The following ERN1 variants were observed in gnomAD, a reference collection of about 807,000 sequenced individuals.
ERN1 encodes the protein endoplasmic reticulum to nucleus signaling 1, also known as serine/threonine-protein kinase/endoribonuclease IRE1.
Under a neutral mutation model 113.1 loss-of-function variants are expected in ERN1, and 39 were observed. The observed-to-expected ratio is 0.34, with a 90% CI of 0.27 to 0.45. ERN1 has a LOEUF of 0.45. Ranked by LOEUF, ERN1 falls within the 20% of genes least tolerant of loss-of-function variation. ERN1 has a pLI of 1.00. For missense variants in ERN1, 976 were observed against 1,274.8 expected (o/e 0.77, Z 3.57); for synonymous variants, 507 against 515.9 (o/e 0.98, Z 0.23).
chr17:64,047,716 G>T (rs1215665592), intron 19 of ERN1, 142 bp downstream of exon 19: 1 of 665,234 alleles, frequency 1.5e-6, no homozygotes, highest in Non-Finnish European at 2.3e-6. Flanking sequence ...TATATATGAA[G>T]AAAACATTAA....
At chr17:64,125,406 T>C (rs1915054076) in intron 1 of ERN1, among the ~76,000 whole-genome samples, 1 of 152,186 alleles carries the variant, frequency 6.6e-6, no homozygotes, top group African/African-American at 2.4e-5. Flanking sequence ...CAGGCAAAGC[T>C]CGGCTTATTA....
At chr17:64,070,122 C>T (rs1033256738) in intron 6 of ERN1, among the ~76,000 whole-genome samples, 10 of 152,132 alleles carry the variant, frequency 6.6e-5, no homozygotes, top group African/African-American at 2.4e-4. Context: ...CACTGTAACA[C>T]CCATTTTTAC....
chr17:64,116,752 G>A (rs774118133), intron 1 of ERN1, among the ~76,000 whole-genome samples: 42 of 152,154 alleles, frequency 2.8e-4, no homozygotes, highest in African/African-American at 9.9e-4. Context: ...CCTCTGAGTT[G>A]TGGGGGTTTT....
At chr17:64,101,440 C>T (rs1326401708) in intron 1 of ERN1, among the ~76,000 whole-genome samples, 1 of 152,052 alleles carries the variant, frequency 6.6e-6, no homozygotes, top group Non-Finnish European at 1.5e-5. Flanking sequence ...AACAATACTG[C>T]AAAATTATAG....
intron 4 of ERN1, among the ~76,000 whole-genome samples, chr17:64,079,280 CAT>C (rs1913693100): frequency 6.6e-6 from 1 of 152,190 alleles, no homozygotes; most frequent in African/African-American, 2.4e-5. Flanking sequence ...TAGAATATCA[CAT>C]GACTCCCTTA....
At chr17:64,129,872 G>A in intron 1 of ERN1, 104 bp downstream of exon 1, 1 of 1,122,100 alleles carries the variant, frequency 8.9e-7, no homozygotes. Flanking sequence ...GGCCGCCGCC[G>A]TCGCGCTCCC....
rs9890717 is a variant in ERN1 at position 64,053,191 on chromosome 17, A to C, written c.2053+81T>G. 11,003 of 1,202,174 alleles carry C rather than the reference A, an allele frequency of 9.2e-3. 737 individuals carry two copies. In the African/African-American group the frequency reaches 0.14, roughly 16 times the overall value. 74.5% of individuals were successfully genotyped at this position (1,202,174 alleles called of 1,614,324 possible). ...AAGAGCTTGAACAGAAGCAAGGCCC[A>C]CCCGAGCTACTGGTTAGCCCCACCT... On this transcript the variant is annotated intron_variant, in intron 16 of 21. Coordinates refer to ENST00000433197, the MANE Select transcript of ERN1 (RefSeq NM_001433.5).
intron 1 of ERN1, among the ~76,000 whole-genome samples, chr17:64,115,978 A>G (rs747330378): frequency 5.3e-5 from 8 of 152,240 alleles, no homozygotes; most frequent in Non-Finnish European, 5.9e-5. Context: ...AGAGTTTAGA[A>G]GTCCTAATGC....
intron 1 of ERN1, among the ~76,000 whole-genome samples, chr17:64,099,978 T>G (rs1353176122): frequency 2.0e-5 from 3 of 152,036 alleles, no homozygotes; most frequent in African/African-American, 7.2e-5. Flanking sequence ...GGAAGAAGAG[T>G]GCTTTTAATT....
chr17:64,085,589 G>A (rs964860573), intron 2 of ERN1, among the ~76,000 whole-genome samples: 5 of 152,062 alleles, frequency 3.3e-5, no homozygotes, highest in Non-Finnish European at 7.4e-5. Flanking sequence ...TCAAACTAGC[G>A]CAGTTTCTTT....
intron 1 of ERN1, among the ~76,000 whole-genome samples, chr17:64,113,514 C>CT (rs796302193): frequency 4.8e-3 from 701 of 145,008 alleles, no homozygotes; most frequent in Middle Eastern, 7.1e-3. Flanking sequence ...TTACGTAAAT[C>CT]TTTTTTTTTT....
chr17:64,076,532 G>A (rs982398041), intron 4 of ERN1, among the ~76,000 whole-genome samples: 10 of 152,134 alleles, frequency 6.6e-5, no homozygotes, highest in Admixed American at 3.3e-4. Flanking sequence ...GCCCAAGCTT[G>A]GGAAACATTG....
chr17:64,041,421 C>T lies in ERN1; in HGVS notation c.*2567G>A, dbSNP rs191904923. 21 of 152,334 alleles carry T rather than the reference C, an allele frequency of 1.4e-4. No individual in the cohort carries two copies. The East Asian group carries it at 3.9e-3, about 28-fold the overall frequency. 9.4% of individuals were successfully genotyped at this position (152,334 alleles called of 1,614,324 possible). On this transcript the variant is annotated 3_prime_UTR_variant, in exon 22 of 22. Coordinates refer to ENST00000433197, the MANE Select transcript of ERN1 (RefSeq NM_001433.5). ...AGCCGCAACACGATATGTGATGGTGCAGAGCTGTTCTGGCCTGAAAAGAAC... is the reference window on the plus strand; with the variant it reads ...AGCCGCAACACGATATGTGATGGTGTAGAGCTGTTCTGGCCTGAAAAGAAC...
intron 17 of ERN1, among the ~76,000 whole-genome samples, chr17:64,051,810 G>C (rs1912693434): frequency 6.6e-6 from 1 of 152,206 alleles, no homozygotes; most frequent in Non-Finnish European, 1.5e-5. Context: ...AAGACATTTG[G>C]GGACTAATTG....
At chr17:64,110,794 C>T (rs1020989156) in intron 1 of ERN1, among the ~76,000 whole-genome samples, 5 of 152,182 alleles carry the variant, frequency 3.3e-5, no homozygotes, top group Admixed American at 6.5e-5. Flanking sequence ...CTCTGAGAAG[C>T]GATCTTTATG....
At chr17:64,113,643 G>A (rs1292207963) in intron 1 of ERN1, among the ~76,000 whole-genome samples, 3 of 151,218 alleles carry the variant, frequency 2.0e-5, no homozygotes, top group African/African-American at 7.3e-5. Context: ...TGGAGTAGCT[G>A]GGATTATAGG....
chr17:64,060,647 T>C, intron 10 of ERN1, 60 bp from the exon 11 acceptor site: 1 of 1,279,840 alleles, frequency 7.8e-7, no homozygotes, highest in Non-Finnish European at 1.1e-6. Flanking sequence ...TGGCACTCAA[T>C]GCTAAACTTA....
At chr17:64,089,920 A>T (rs553605748) in intron 2 of ERN1, among the ~76,000 whole-genome samples, 14 of 148,732 alleles carry the variant, frequency 9.4e-5, no homozygotes, top group African/African-American at 3.0e-4. Context: ...TTTTCTTATT[A>T]AAAAAAAAAA....
rs1013659043 is a variant in ERN1, at chr17:64,080,684, T to C, written c.209+91A>G. ...CACTGTTATTCCTCAAACTTACACATATATGCACTCCCAGCAACTGGCCTC... is the reference window on the plus strand; with the variant it reads ...CACTGTTATTCCTCAAACTTACACACATATGCACTCCCAGCAACTGGCCTC... On this transcript the variant is annotated intron_variant, in intron 3 of 21. Coordinates refer to ENST00000433197, the MANE Select transcript of ERN1 (RefSeq NM_001433.5). The C allele has an allele frequency of 2.5e-5, 29 of 1,169,286 alleles. No homozygotes were observed. The African/African-American group carries it at 4.4e-4, about 18-fold the overall frequency. The allele number at this position is 1,169,286 out of a possible 1,614,324, so 72.4% of individuals were successfully genotyped here. A position where few individuals can be genotyped will look rare whatever the true frequency, so the allele number is the denominator to read the frequency against.
Sources: gnomAD v4.1 joint callset for allele counts (sites outside exome capture counted in the v4.1 genomes callset) on GRCh38, gnomAD v4.1.1 for gene constraint, MANE v1.5 for transcripts, NCBI Gene and HGNC (gene_info 2026-07-23, HGNC 2026-07-21) for gene names.